Variants in HEPHL1 observed in about 807,000 individuals in gnomAD.
HEPHL1 encodes the protein ferroxidase HEPHL1.
Under a neutral mutation model 122.0 loss-of-function variants are expected in HEPHL1, and 123 were observed. That is an observed-to-expected ratio of 1.01 (90% confidence interval 0.87 to 1.17). The LOEUF (loss-of-function observed/expected upper bound fraction) is 1.17. Among genes scored for constraint, HEPHL1 ranks in the 50% most tolerant of loss-of-function variants. The pLI is 0.00. For synonymous variants in HEPHL1, 527 were observed against 508.9 expected, an observed-to-expected ratio of 1.04 and a Z score of -0.48; for missense variants, 1,452 against 1,430.5, an observed-to-expected ratio of 1.01 and a Z score of -0.24.
In HEPHL1 at chr11:94,064,350, A is replaced by G. The variant is rs1199500707; in HGVS notation, c.648A>G (p.Ser216=). 6.2e-7 allele frequency: 1 copy of G among 1,612,218 alleles called. No homozygotes were observed. The highest frequency in any genetic ancestry group is 1.3e-5 in the African/African-American group (1 of 75,034). The part of the protein sequence containing the change: ...VCKEGILNRY[S]GTRNDVDREF... The stretch of plus-strand genomic sequence containing the variant: ...TGACAGGTATCCTGAATAGATATTC[A>G]GGGACACGGAATGATGTGGATCGAG... The change falls in exon 4 of 20, where the codon TCA becomes TCG. Residue 216 remains serine (S), a synonymous_variant. Coordinates refer to ENST00000315765, the MANE Select transcript of HEPHL1 (RefSeq NM_001098672.2).
At position 94,086,218 on chromosome 11, in the gene HEPHL1, C is replaced by T. The variant is rs199678173; in HGVS notation, c.2080+29C>T. The T allele has an allele frequency of 9.1e-6, 14 of 1,537,736 alleles. No individual in the cohort carries two copies. The African/African-American group carries it at 1.4e-4, about 15-fold the overall frequency. ...AACTTGCTGGGTCCATCTCAGGTGA[C>T]CAGATTTCTACCTTCAGGCTCATCC... is the stretch of plus-strand genomic sequence containing the variant. On this transcript the variant is annotated intron_variant, in intron 11 of 19. Coordinates refer to ENST00000315765, the MANE Select transcript of HEPHL1 (RefSeq NM_001098672.2).
At chr11:94,056,114 C>T (rs914705223) in intron 2 of HEPHL1, 3 of 291,018 alleles carry the variant, frequency 1.0e-5, no homozygotes, top group East Asian at 1.4e-4. Flanking sequence ...TATATTGACC[C>T]TTTTATCGCG....
chr11:94,078,940 A>G (rs1946148044), intron 9 of HEPHL1, among the ~76,000 whole-genome samples: 1 of 152,142 alleles, frequency 6.6e-6, no homozygotes, highest in Non-Finnish European at 1.5e-5. Context: ...TAAATTCACC[A>G]TCACTCAGGG....
chr11:94,035,957 C>T (rs1390523414), intron 1 of HEPHL1, among the ~76,000 whole-genome samples: 2 of 152,268 alleles, frequency 1.3e-5, no homozygotes, highest in East Asian at 1.9e-4. Context: ...AGGATGGTCT[C>T]GATCTCCTGA....
At chr11:94,082,113 C>G (rs1946175161) in intron 9 of HEPHL1, among the ~76,000 whole-genome samples, 2 of 152,086 alleles carry the variant, frequency 1.3e-5, no homozygotes, top group South Asian at 4.1e-4. Flanking sequence ...GCTGGCAGGT[C>G]AGGGTAAGGA....
At chr11:94,043,846 C>T (rs10831159) in intron 1 of HEPHL1, among the ~76,000 whole-genome samples, 49,087 of 151,714 alleles carry the variant, frequency 0.32, 9,220 homozygotes, top group South Asian at 0.44. Flanking sequence ...CTCTCCCTTC[C>T]AGAATAGGGG....
intron 4 of HEPHL1, among the ~76,000 whole-genome samples, chr11:94,065,718 C>A (rs564723693): frequency 6.6e-5 from 10 of 152,280 alleles, no homozygotes; most frequent in African/African-American, 2.4e-4. Context: ...TAATGCATAT[C>A]CTTTACAAAA....
intron 6 of HEPHL1, among the ~76,000 whole-genome samples, chr11:94,072,519 C>A (rs900540609): frequency 3.3e-5 from 5 of 152,022 alleles, no homozygotes; most frequent in Non-Finnish European, 1.5e-5. Flanking sequence ...ATCATATTCA[C>A]GACTTGGAAA....
At chr11:94,103,616 GA>G (rs1381664230) in intron 15 of HEPHL1, among the ~76,000 whole-genome samples, 1 of 152,140 alleles carries the variant, frequency 6.6e-6, no homozygotes, top group Non-Finnish European at 1.5e-5. Context: ...ATTCAACATT[GA>G]ATTTGAGCCA....
intron 15 of HEPHL1, 80 bp downstream of exon 15, chr11:94,103,100 G>C (rs61905098): frequency 0.088 from 71,641 of 813,194 alleles, 3,922 homozygotes; most frequent in East Asian, 0.24. Context: ...ATTTGGGTTG[G>C]TATATGTGAA....
chr11:94,099,883 G>A (rs1340078783), intron 13 of HEPHL1, among the ~76,000 whole-genome samples: 3 of 152,170 alleles, frequency 2.0e-5, no homozygotes, highest in African/African-American at 7.2e-5. Context: ...TAGGGTAGGA[G>A]TGACCCGATT....
chr11:94,084,209 A>C (rs779043466), intron 10 of HEPHL1, among the ~76,000 whole-genome samples: 34 of 152,076 alleles, frequency 2.2e-4, no homozygotes, highest in African/African-American at 5.5e-4. Context: ...CTGTAGTCCC[A>C]GCTGCTACTC....
At chr11:94,042,610 T>C (rs1175084769) in intron 1 of HEPHL1, among the ~76,000 whole-genome samples, 2 of 150,448 alleles carry the variant, frequency 1.3e-5, no homozygotes, top group Non-Finnish European at 2.9e-5. Context: ...TCATTCTCAG[T>C]AAACTATCGC....
intron 13 of HEPHL1, among the ~76,000 whole-genome samples, chr11:94,096,273 A>G (rs998604107): frequency 2.6e-5 from 4 of 152,184 alleles, no homozygotes; most frequent in Non-Finnish European, 5.9e-5. Flanking sequence ...AGCTATTGAG[A>G]TAATCACGTG....
intron 4 of HEPHL1, among the ~76,000 whole-genome samples, chr11:94,067,228 G>A (rs928278777): frequency 6.6e-6 from 1 of 152,128 alleles, no homozygotes; most frequent in Non-Finnish European, 1.5e-5. Context: ...ACCTCATATT[G>A]CGTTCCCACA....
chr11:94,065,208 C>T (rs1946023563), intron 4 of HEPHL1, among the ~76,000 whole-genome samples: 1 of 152,172 alleles, frequency 6.6e-6, no homozygotes, highest in Admixed American at 6.5e-5. Context: ...ACCTACATAT[C>T]CCACCTTATT....
chr11:94,046,257 C>A (rs1265662046), intron 2 of HEPHL1, among the ~76,000 whole-genome samples: 1 of 151,240 alleles, frequency 6.6e-6, no homozygotes, highest in Non-Finnish European at 1.5e-5. Context: ...TCACGCCCAG[C>A]TAATTTTTTG....
In HEPHL1 at chr11:94,067,672, A is replaced by G; in HGVS notation, c.985A>G (p.Thr329Ala). 1.9e-6 allele frequency: 3 copies of G among 1,613,736 alleles called. No homozygotes were observed. Among genetic ancestry groups the G allele is most frequent in the South Asian group, 1.1e-5 (1 of 91,082 alleles). The change falls in exon 5 of 20, where the codon ACC becomes GCC. Residue 329 changes from threonine (T) to alanine (A), a missense_variant. Physicochemically the swap from Thr to Ala is moderately conservative, Grantham distance 58. Coordinates refer to ENST00000315765, the MANE Select transcript of HEPHL1 (RefSeq NM_001098672.2). ...RTDVVNLFPA[T>A]FLTTEMIAEN... ...TGATGTCGTCAACCTGTTCCCAGCC[A>G]CCTTCCTTACAACAGAAATGATAGC...
In HEPHL1 at chr11:94,039,665, G is replaced by T. The variant is rs1297228404; in HGVS notation, c.171-6008G>T. ...GAAGGCAGAAATAAAGATGTTCTTT[G>T]AAACCAACGAGAACAAAGACACAAC... On this transcript the variant is annotated intron_variant, in intron 1 of 19. Transcript: ENST00000315765. Among the ~76,000 whole-genome samples the T allele has an allele frequency of 1.5e-4, 22 of 151,606 alleles. No homozygotes were observed. In the East Asian group the frequency reaches 4.3e-3, roughly 29 times the overall value.
Sources: allele counts gnomAD v4.1 joint callset (sites outside exome capture counted in the v4.1 genomes callset), GRCh38; gene constraint gnomAD v4.1.1; transcripts MANE v1.5; gene names NCBI Gene and HGNC (gene_info 2026-07-23, HGNC 2026-07-21).